The following DPP6 variants were observed in gnomAD, a reference collection of about 807,000 sequenced individuals.
The protein encoded by DPP6 is A-type potassium channel modulatory protein DPP6.
DPP6 carries 69 observed loss-of-function variants against 122.6 expected under a neutral mutation model. The ratio of observed to expected loss-of-function variants is 0.56; its 90% confidence interval spans 0.46 to 0.69. The LOEUF is 0.69. DPP6 is among the 30% of genes least tolerant of loss of function. DPP6 has a pLI of 0.00. For missense variants in DPP6, 928 were observed against 1,116.9 expected, an observed-to-expected ratio of 0.83 and a Z score of 2.41; for synonymous variants, 418 against 433.1, an observed-to-expected ratio of 0.97 and a Z score of 0.43.
At chr7:154,395,008 C>T (rs551110304) in intron 1 of DPP6, among the ~76,000 whole-genome samples, 14 of 152,230 alleles carry the variant, frequency 9.2e-5, no homozygotes, top group Non-Finnish European at 1.5e-4. Flanking sequence ...GCTGCTATGA[C>T]GTAATACCAT....
chr7:153,887,362 A>C, exon 1 of DPP6: 1 of 226,300 alleles, frequency 4.4e-6, no homozygotes, highest in Non-Finnish European at 8.8e-6. Context: ...CGCCCTCGCT[A>C]GCTGGGCTCG....
chr7:154,036,321 A>C (rs1799535849), intron 1 of DPP6, among the ~76,000 whole-genome samples: 1 of 146,032 alleles, frequency 6.8e-6, no homozygotes, highest in African/African-American at 2.6e-5. Flanking sequence ...GGGATTCACC[A>C]TGTTGGCCAG....
intron 2 of DPP6, among the ~76,000 whole-genome samples, chr7:154,453,799 A>G (rs1003764728): frequency 4.6e-5 from 7 of 152,098 alleles, no homozygotes; most frequent in Admixed American, 3.9e-4. Flanking sequence ...ATCATCTGGT[A>G]TGTCTACTTT....
chr7:154,338,045 T>C lies in DPP6; in HGVS notation c.244-108169T>C, dbSNP rs1362038276. On this transcript the variant is annotated intron_variant, in intron 1 of 25. Coordinates refer to ENST00000377770, the MANE Select transcript of DPP6 (RefSeq NM_130797.4). ...TCTGTCTTGCCTTCTCGCAGATTGT[T>C]TTCACGTGGCATTTCACTTAACTTT... 4.6e-5 allele frequency among the ~76,000 whole-genome samples: 7 copies of C among 152,242 alleles called. No homozygotes were observed. The East Asian group carries it at 1.3e-3, about 29-fold the overall frequency.
chr7:153,926,741 T>G (rs975910988), intron 1 of DPP6, among the ~76,000 whole-genome samples: 13 of 151,792 alleles, frequency 8.6e-5, no homozygotes, highest in African/African-American at 3.2e-4. Context: ...AATTTCTCCC[T>G]ATGTAGCATT....
At chr7:154,396,378 A>G (rs990152806) in intron 1 of DPP6, among the ~76,000 whole-genome samples, 1 of 152,136 alleles carries the variant, frequency 6.6e-6, no homozygotes, top group African/African-American at 2.4e-5. Flanking sequence ...GAGCTGTGCT[A>G]CACGTGTGGA....
intron 6 of DPP6, among the ~76,000 whole-genome samples, chr7:154,638,685 G>C (rs987893641): frequency 6.6e-6 from 1 of 152,228 alleles, no homozygotes; most frequent in African/African-American, 2.4e-5. Context: ...GAGCAGAAAA[G>C]ACATTGGTTA....
At chr7:153,924,055 C>T (rs550118758) in intron 1 of DPP6, among the ~76,000 whole-genome samples, 1 of 152,044 alleles carries the variant, frequency 6.6e-6, no homozygotes, top group Admixed American at 6.6e-5. Flanking sequence ...GCTGGTTATG[C>T]AGTCTCTCTG....
intron 1 of DPP6, among the ~76,000 whole-genome samples, chr7:154,021,130 T>C (rs904497469): frequency 1.3e-5 from 2 of 152,122 alleles, no homozygotes; most frequent in African/African-American, 4.8e-5. Context: ...ACCCATCCCA[T>C]CATCAGCGGT....
chr7:154,491,108 A>G (rs949021855), intron 3 of DPP6, among the ~76,000 whole-genome samples: 3 of 152,188 alleles, frequency 2.0e-5, no homozygotes. Flanking sequence ...CTCTCATGGG[A>G]TGTTTTCTTT....
intron 1 of DPP6, among the ~76,000 whole-genome samples, chr7:153,891,090 C>A (rs555831030): frequency 1.6e-4 from 23 of 140,586 alleles, no homozygotes; most frequent in African/African-American, 5.9e-4. Context: ...GGTGCTATCT[C>A]GGCTCACTGC....
intron 1 of DPP6, among the ~76,000 whole-genome samples, chr7:154,031,696 A>G (rs1799235211): frequency 6.6e-6 from 1 of 151,918 alleles, no homozygotes; most frequent in South Asian, 2.1e-4. Context: ...GGCACGACCT[A>G]AAGGAACGAG....
In DPP6 at chr7:154,875,776, T is replaced by G; in HGVS notation, c.1884-130T>G. ...CTGCCCGGGGCAACAGAATCTGGGG[T>G]ATGGAGTTGAGCGTGTGGCAGCCGG... On this transcript the variant is annotated intron_variant, in intron 19 of 25. Transcript: ENST00000377770. This position sits in a 1 kb window ranked among gnomAD's most constrained non-coding sequence, Gnocchi z 4.5. The G allele has an allele frequency of 7.7e-7, 1 of 1,306,386 alleles. No homozygotes were observed. 80.9% of individuals were successfully genotyped at this position (1,306,386 alleles called of 1,614,324 possible). A position where few individuals can be genotyped will look rare whatever the true frequency, so the allele number is the denominator to read the frequency against.
chr7:153,986,052 G>A (rs541351203), intron 1 of DPP6, among the ~76,000 whole-genome samples: 1 of 152,262 alleles, frequency 6.6e-6, no homozygotes. Flanking sequence ...ATAAGATCAG[G>A]TGCGTTCAGG....
chr7:154,801,768 C>T (rs1798384166), intron 13 of DPP6, among the ~76,000 whole-genome samples: 1 of 152,112 alleles, frequency 6.6e-6, no homozygotes, highest in Admixed American at 6.5e-5. Context: ...TGCCGGGGGC[C>T]CTTTCCTTCT....
At chr7:154,449,609 A>G (rs1257570407) in intron 2 of DPP6, among the ~76,000 whole-genome samples, 1 of 152,176 alleles carries the variant, frequency 6.6e-6, no homozygotes, top group African/African-American at 2.4e-5. Flanking sequence ...AACTGGAAAC[A>G]TATGTTCATA....
At chr7:154,700,737 A>G (rs1034987058) in intron 7 of DPP6, among the ~76,000 whole-genome samples, 1 of 150,954 alleles carries the variant, frequency 6.6e-6, no homozygotes, top group Non-Finnish European at 1.5e-5. Flanking sequence ...CATCACACAC[A>G]CAGACCTCAT....
At chr7:154,541,819 A>G (rs763573565) in intron 4 of DPP6, among the ~76,000 whole-genome samples, 1 of 152,160 alleles carries the variant, frequency 6.6e-6, no homozygotes, top group Non-Finnish European at 1.5e-5. Context: ...CTGGTTTTAC[A>G]GATAAGGATC....
Position 154,060,443 on chromosome 7 carries a change from G to A in DPP6, c.243+7380G>A, listed in dbSNP as rs552506660. Reference sequence around the variant, plus strand: ...GCACCCCCCGCGAGGCGGGGACTGCGAGCCAGACCCTCTTCCCCCTCTGGC... The same window carrying A: ...GCACCCCCCGCGAGGCGGGGACTGCAAGCCAGACCCTCTTCCCCCTCTGGC... On this transcript the variant is annotated intron_variant, in intron 1 of 25. Transcript: ENST00000377770. Among the ~76,000 whole-genome samples, 12 of 136,584 alleles carry A rather than the reference G, an allele frequency of 8.8e-5. 2 individuals are homozygous for A. In the East Asian group the frequency reaches 1.7e-3, roughly 19 times the overall value. 89.6% of individuals were successfully genotyped at this position (136,584 alleles called of 152,430 possible).
Sources: gnomAD v4.1 joint callset for allele counts (sites outside exome capture counted in the v4.1 genomes callset) on GRCh38, gnomAD v4.1.1 for gene constraint, Gnocchi (gnomAD v3.1) non-coding constraint, MANE v1.5 for transcripts, NCBI Gene and HGNC (gene_info 2026-07-23, HGNC 2026-07-21) for gene names.